PGK1: variants seen among roughly 807,000 people sequenced by gnomAD.
PGK1 encodes PRP 2.
A neutral mutation model predicts 26.9 loss-of-function variants in PGK1; 3 were observed. The ratio of observed to expected loss-of-function variants is 0.11; its 90% CI spans 0.05 to 0.29. The LOEUF is 0.29. PGK1 is among the 10% of genes least tolerant of loss of function. PGK1 has a pLI of 1.00. For synonymous variants in PGK1, 125 were observed against 115.3 expected, an observed-to-expected ratio of 1.08 and a Z score of -0.54; for missense variants, 270 against 314.7, an observed-to-expected ratio of 0.86 and a Z score of 1.07.
rs1436571029 is a variant in PGK1 at position 78,126,674 on chromosome X, A to G, written c.*844A>G. 3.7e-5 allele frequency: 4 copies of G among 109,537 alleles called. No homozygotes were observed. The highest frequency in any genetic ancestry group is 6.6e-5 in the African/African-American group (2 of 30,139). 9.0% of individuals were successfully genotyped at this position (109,537 alleles called of 1,213,427 possible). A position where few individuals can be genotyped will look rare whatever the true frequency, so the allele number is the denominator to read the frequency against. ...TTTTTTTTATTTTTTAAAGAAATCT[A>G]TTTCATACCATGGAGGAAGGCTCTG... On this transcript the variant is annotated 3_prime_UTR_variant, in exon 11 of 11. Coordinates refer to ENST00000373316, the MANE Select transcript of PGK1 (RefSeq NM_000291.4).
intron 2 of PGK1, 42 bp downstream of exon 2, chrX:78,109,959 G>GT: frequency 1.2e-6 from 1 of 836,245 alleles, no homozygotes; most frequent in Non-Finnish European, 1.8e-6. Context: ...TAAGATGTGT[G>GT]TAGGTACACA....
intron 2 of PGK1, among the ~76,000 whole-genome samples, chrX:78,113,065 T>G (rs781825298): frequency 4.5e-5 from 5 of 111,893 alleles, no homozygotes; most frequent in Non-Finnish European, 7.5e-5. Context: ...TTTGGGAGGC[T>G]GAGGCCTGCA....
intron 1 of PGK1, among the ~76,000 whole-genome samples, chrX:78,105,422 G>T (rs1756790035): frequency 8.9e-6 from 1 of 111,954 alleles, no homozygotes; most frequent in Admixed American, 9.4e-5. Flanking sequence ...AAAGGTTTCT[G>T]TTGATAGCAT....
intron 6 of PGK1, 98 bp from the exon 7 acceptor site, chrX:78,122,735 TTC>T: frequency 1.8e-6 from 1 of 554,450 alleles, no homozygotes. Flanking sequence ...CTTTGAGACT[TTC>T]TCTGTTCCTG....
chrX:78,109,531 G>T (rs184359326), intron 1 of PGK1, among the ~76,000 whole-genome samples: 1,333 of 106,452 alleles, frequency 0.013, 9 homozygotes, highest in Non-Finnish European at 0.021. Flanking sequence ...TTTAAGTTAG[G>T]TTTTTTTTTT....
chrX:78,109,785 T>C, intron 1 of PGK1, 82 bp from the exon 2 acceptor site: 1 of 669,438 alleles, frequency 1.5e-6, no homozygotes, highest in Non-Finnish European at 2.5e-6. Context: ...TTCTGACTTA[T>C]TTAACTGGTT....
Position 78,118,059 on chromosome X carries a change from TAGG to T in PGK1, c.533_535del (p.Gly178del). 2 of 1,205,202 alleles carry T rather than the reference TAGG, an allele frequency of 1.7e-6. No individual in the cohort carries two copies. The highest frequency in any genetic ancestry group is 2.2e-6 in the Non-Finnish European group (2 of 890,858). The stretch of plus-strand genomic sequence containing the variant: ...TCTTTGATCTTTTCTAGCTCCATGG[TAGG>T]AGTCAATCTGCCACAGAAGGCTGGT... On this transcript the variant is annotated inframe_deletion, in exon 6 of 11. Coordinates refer to ENST00000373316, the MANE Select transcript of PGK1 (RefSeq NM_000291.4).
At chrX:78,107,291 C>T (rs1557246309) in intron 1 of PGK1, among the ~76,000 whole-genome samples, 1 of 110,581 alleles carries the variant, frequency 9.0e-6, no homozygotes, top group Non-Finnish European at 1.9e-5. Flanking sequence ...GGTTCTATGC[C>T]ATTTTATTAC....
intron 6 of PGK1, 47 bp from the exon 7 acceptor site, chrX:78,122,788 C>T: frequency 2.7e-6 from 2 of 733,464 alleles, no homozygotes; most frequent in Non-Finnish European, 4.3e-6. Flanking sequence ...AATACCACTT[C>T]TCTAGTCCAT....
intron 1 of PGK1, among the ~76,000 whole-genome samples, chrX:78,108,123 G>T (rs782086671): frequency 1.8e-5 from 2 of 111,761 alleles, no homozygotes; most frequent in East Asian, 5.6e-4. Flanking sequence ...GGGCATTGAG[G>T]AGAGAGTATC....
rs2078386401 is a variant in PGK1, at chrX:78,126,952, T to C, written c.*1122T>C. 1 of 113,109 alleles carries C rather than the reference T, an allele frequency of 8.8e-6. No homozygotes were observed. Among genetic ancestry groups the C allele is most frequent in the South Asian group, 3.6e-4 (1 of 2,802 alleles). 9.3% of individuals were successfully genotyped at this position (113,109 alleles called of 1,213,427 possible). ...ATATTAAAACATATTGAATAATCCT[T>C]GTTAGAGTTATCCCTGCAGGAGTCC... On this transcript the variant is annotated 3_prime_UTR_variant, in exon 11 of 11. Coordinates refer to ENST00000373316, the MANE Select transcript of PGK1 (RefSeq NM_000291.4).
intron 1 of PGK1, among the ~76,000 whole-genome samples, chrX:78,106,869 CT>C (rs1304354013): frequency 3.6e-5 from 4 of 109,691 alleles, no homozygotes; most frequent in Non-Finnish European, 7.6e-5. Context: ...TTGCTCCTGC[CT>C]TTTTTTTTAA....
chrX:78,120,007 C>T (rs1488445092), intron 6 of PGK1, among the ~76,000 whole-genome samples: 1 of 111,167 alleles, frequency 9.0e-6, no homozygotes, highest in Non-Finnish European at 1.9e-5. Flanking sequence ...TTTCTGTAGA[C>T]CTGGAATATG....
chrX:78,119,267 C>T (rs1179991810), intron 6 of PGK1, among the ~76,000 whole-genome samples: 8 of 111,923 alleles, frequency 7.1e-5, no homozygotes, highest in Non-Finnish European at 1.5e-4. Context: ...ATCTTTTCTC[C>T]TATAGGGAAA....
intron 1 of PGK1, among the ~76,000 whole-genome samples, chrX:78,107,945 G>T (rs2078279624): frequency 9.3e-6 from 1 of 108,013 alleles, no homozygotes. Flanking sequence ...CAAAGCTCAG[G>T]GGTGTTATAA....
At chrX:78,123,919 T>G (rs2149136567) in intron 8 of PGK1, among the ~76,000 whole-genome samples, 1 of 111,948 alleles carries the variant, frequency 8.9e-6, no homozygotes, top group South Asian at 3.7e-4. Context: ...TTTTTAGTTT[T>G]ATCTGTTTTT....
chrX:78,123,150 C>G (rs1315850728), intron 7 of PGK1, 45 bp from the exon 8 acceptor site: 2 of 1,037,840 alleles, frequency 1.9e-6, no homozygotes, highest in East Asian at 6.0e-5. Flanking sequence ...CAGTCTTGTT[C>G]TTAGTATAGA....
chrX:78,113,604 A>G, intron 2 of PGK1, 140 bp from the exon 3 acceptor site: 1 of 556,671 alleles, frequency 1.8e-6, no homozygotes, highest in East Asian at 3.6e-5. Context: ...CTTAAGGACC[A>G]CCATTGAATT....
At chrX:78,116,027 T>A (rs782240296) in intron 4 of PGK1, among the ~76,000 whole-genome samples, 64 of 109,313 alleles carry the variant, frequency 5.9e-4, no homozygotes, top group Non-Finnish European at 1.1e-3. Context: ...CTTTACTTTT[T>A]TTTTTTTTTC....
Sources: gnomAD v4.1 joint callset for allele counts (sites outside exome capture counted in the v4.1 genomes callset) on GRCh38, gnomAD v4.1.1 for gene constraint, MANE v1.5 for transcripts, NCBI Gene and HGNC (gene_info 2026-07-23, HGNC 2026-07-21) for gene names.